Variants in FBXL4 observed in about 807,000 individuals in gnomAD.
The protein encoded by FBXL4 is F-box/LRR-repeat protein 4.
In FBXL4, 40 loss-of-function variants were observed where a neutral mutation model predicts 58.9. The ratio of observed to expected loss-of-function variants is 0.68; its 90% CI spans 0.53 to 0.88. FBXL4 has a LOEUF of 0.88. Among genes scored for constraint, FBXL4 ranks in the 40% least tolerant of loss-of-function variants. The pLI, the probability that FBXL4 is intolerant of heterozygous loss-of-function variation, is 0.00. For missense variants in FBXL4, 676 were observed against 734.4 expected (o/e 0.92, Z 0.92); for synonymous variants, 263 against 265.5 (o/e 0.99, Z 0.09).
At chr6:98,898,229 G>A (rs1221440188) in intron 7 of FBXL4, 17 of 942,856 alleles carry the variant, frequency 1.8e-5, no homozygotes, top group Non-Finnish European at 2.1e-5. Flanking sequence ...CAAAAGCCCT[G>A]AGCTGGGACC....
At chr6:98,890,585 C>T (rs116657239) in intron 7 of FBXL4, among the ~76,000 whole-genome samples, 1 of 152,206 alleles carries the variant, frequency 6.6e-6, no homozygotes, top group African/African-American at 2.4e-5. Flanking sequence ...TTTGGCTCCA[C>T]TCTTCCAATT....
At chr6:98,902,122 A>C (rs1234432558) in intron 6 of FBXL4, among the ~76,000 whole-genome samples, 3 of 152,168 alleles carry the variant, frequency 2.0e-5, no homozygotes, top group Non-Finnish European at 4.4e-5. Flanking sequence ...ACTTGAGTTT[A>C]CTTATCACAA....
intron 2 of FBXL4, among the ~76,000 whole-genome samples, chr6:98,933,299 CAT>C: frequency 6.6e-6 from 1 of 152,132 alleles, no homozygotes; most frequent in East Asian, 1.9e-4. Flanking sequence ...TAATTCTTCT[CAT>C]ATACACAGAG....
intron 5 of FBXL4, among the ~76,000 whole-genome samples, chr6:98,914,039 T>G (rs1415364132): frequency 6.6e-6 from 1 of 152,128 alleles, no homozygotes; most frequent in South Asian, 2.1e-4. Flanking sequence ...TACACACATC[T>G]CTATGCAAAT....
At chr6:98,934,353 C>T (rs1245832551) in intron 2 of FBXL4, among the ~76,000 whole-genome samples, 1 of 151,250 alleles carries the variant, frequency 6.6e-6, no homozygotes, top group South Asian at 2.1e-4. Context: ...GAGCCAAGAT[C>T]GCACCACTGC....
At chr6:98,891,236 A>G (rs1771215285) in intron 7 of FBXL4, among the ~76,000 whole-genome samples, 3 of 152,196 alleles carry the variant, frequency 2.0e-5, no homozygotes, top group African/African-American at 7.2e-5. Flanking sequence ...CATAAATTGC[A>G]AAAATTAATA....
chr6:98,882,851 TGATA>T (rs1414806304), intron 7 of FBXL4, among the ~76,000 whole-genome samples: 3 of 152,104 alleles, frequency 2.0e-5, no homozygotes, highest in Non-Finnish European at 2.9e-5. Context: ...CTCATTTGAT[TGATA>T]TTTAGTTGCT....
At chr6:98,879,698 T>C (rs1000698557) in intron 8 of FBXL4, among the ~76,000 whole-genome samples, 1 of 137,456 alleles carries the variant, frequency 7.3e-6, no homozygotes, top group Admixed American at 7.1e-5. Context: ...CTACCCAATA[T>C]GGTGAAACCC....
intron 3 of FBXL4, 64 bp from the exon 4 acceptor site, chr6:98,927,124 G>A (rs936117695): frequency 9.4e-5 from 74 of 791,078 alleles, no homozygotes; most frequent in Non-Finnish European, 1.4e-4. Context: ...GCATGGATAA[G>A]GTAATGAACA....
chr6:98,876,003 A>G (rs1277385878), intron 8 of FBXL4, among the ~76,000 whole-genome samples: 1 of 152,180 alleles, frequency 6.6e-6, no homozygotes, highest in Admixed American at 6.5e-5. Context: ...TCAGTCTCTC[A>G]TGAAGAATTA....
intron 8 of FBXL4, among the ~76,000 whole-genome samples, chr6:98,879,719 T>A (rs1562216335): frequency 7.3e-6 from 1 of 137,390 alleles, no homozygotes; most frequent in Non-Finnish European, 1.7e-5. Flanking sequence ...AAGACCAGCC[T>A]GCCCAATATG....
chr6:98,893,333 C>A (rs904049347), intron 7 of FBXL4, among the ~76,000 whole-genome samples: 1 of 152,176 alleles, frequency 6.6e-6, no homozygotes, highest in Non-Finnish European at 1.5e-5. Context: ...GGCTAGAAAT[C>A]TGAGATCTAG....
chr6:98,922,186 A>G (rs967687427), intron 4 of FBXL4, among the ~76,000 whole-genome samples: 11 of 152,132 alleles, frequency 7.2e-5, no homozygotes, highest in African/African-American at 2.4e-4. Flanking sequence ...TCGGCCTCCC[A>G]AAGTGCTGGG....
Position 98,917,666 on chromosome 6 carries a change from C to T in FBXL4, c.566G>A (p.Arg189His). 1 of 1,613,060 alleles carries T rather than the reference C, an allele frequency of 6.2e-7. No homozygotes were observed. The highest frequency in any genetic ancestry group is 8.5e-7 in the Non-Finnish European group (1 of 1,179,476). The change falls in exon 5 of 10, where the codon CGC becomes CAC. Residue 189 changes from arginine (R) to histidine (H), a missense_variant. Physicochemically the swap from Arg to His is conservative, Grantham distance 29. Transcript: ENST00000369244. ...RPTKVNASQA[R>H]QFKPCIKQIN... Reference sequence around the variant, plus strand: ...CTGCTTAATACAAGGTTTAAACTGGCGAGCTTGGGAAGCATTCACCTTCGT... The same window carrying T: ...CTGCTTAATACAAGGTTTAAACTGGTGAGCTTGGGAAGCATTCACCTTCGT...
chr6:98,920,685 CT>C (rs1278872088), intron 4 of FBXL4, among the ~76,000 whole-genome samples: 1 of 152,116 alleles, frequency 6.6e-6, no homozygotes, highest in Non-Finnish European at 1.5e-5. Context: ...AGAAAGGTAT[CT>C]ATCTTACCCA....
Position 98,874,420 on chromosome 6 carries a change from G to T in FBXL4, c.1724C>A (p.Ala575Glu), listed in dbSNP as rs1248917007. Residue 575 changes from alanine (A) to glutamate (E), a missense_variant, in exon 10 of 10, where the codon GCA (alanine) becomes GAA (glutamate). Physicochemically the swap from Ala to Glu is moderately radical, Grantham distance 107. Coordinates refer to ENST00000369244, the MANE Select transcript of FBXL4 (RefSeq NM_001278716.2). The stretch of plus-strand genomic sequence containing the variant: ...AGATTCCAGGAGTTTTCTTAAGGAT[G>T]CCGGACTTACCATTCTTGTTCCTAT... The part of the protein sequence containing the change: ...DILGTRMVSP[A>E]SLRKLLESCK... The T allele has an allele frequency of 6.2e-7, 1 of 1,608,414 alleles. No individual in the cohort carries two copies. Among genetic ancestry groups the T allele is most frequent in the Middle Eastern group, 1.7e-4 (1 of 6,038 alleles).
At chr6:98,880,902 G>A (rs1011824555) in intron 7 of FBXL4, among the ~76,000 whole-genome samples, 2 of 151,972 alleles carry the variant, frequency 1.3e-5, no homozygotes, top group African/African-American at 4.8e-5. Context: ...ATGACCTCTC[G>A]GTTCATTTCC....
intron 5 of FBXL4, among the ~76,000 whole-genome samples, chr6:98,906,270 C>T (rs1477075126): frequency 6.6e-6 from 1 of 151,940 alleles, no homozygotes; most frequent in African/African-American, 2.4e-5. Flanking sequence ...TGTTTTGCTG[C>T]ACCCATCAAC....
At chr6:98,900,781 C>T (rs1562227907) in intron 6 of FBXL4, among the ~76,000 whole-genome samples, 1 of 152,212 alleles carries the variant, frequency 6.6e-6, no homozygotes, top group Non-Finnish European at 1.5e-5. Flanking sequence ...ATCTTATTTA[C>T]ACGTGAACAC....
Sources: allele counts gnomAD v4.1 joint callset (sites outside exome capture counted in the v4.1 genomes callset), GRCh38; gene constraint gnomAD v4.1.1; transcripts MANE v1.5; gene names NCBI Gene and HGNC (gene_info 2026-07-23, HGNC 2026-07-21).